The following ANKRD6 variants were observed in gnomAD, a reference collection of about 807,000 sequenced individuals.
ANKRD6 encodes ankyrin repeat domain-containing protein 6.
In ANKRD6, 56 loss-of-function variants were observed where a neutral mutation model predicts 82.3. The ratio of observed to expected loss-of-function variants is 0.68; its 90% confidence interval spans 0.55 to 0.85. ANKRD6 has a LOEUF of 0.85. Ranked by LOEUF, ANKRD6 falls within the 40% of genes least tolerant of loss-of-function variation. The probability of loss-of-function intolerance (pLI) is 0.00; values close to 1 mark genes in which losing one functional copy is unlikely to be tolerated. For synonymous variants in ANKRD6, 347 were observed against 352.1 expected (o/e 0.99, Z 0.16); for missense variants, 852 against 907.6 (o/e 0.94, Z 0.79).
intron 1 of ANKRD6, among the ~76,000 whole-genome samples, chr6:89,527,767 G>C (rs1045073482): frequency 2.0e-5 from 3 of 151,970 alleles, no homozygotes; most frequent in African/African-American, 7.2e-5. Context: ...ACTAATCAGG[G>C]TGGTGGCTGC....
chr6:89,629,769 A>G (rs1445691577), intron 15 of ANKRD6, among the ~76,000 whole-genome samples: 1 of 152,248 alleles, frequency 6.6e-6, no homozygotes, highest in Non-Finnish European at 1.5e-5. Flanking sequence ...GACAATTTTG[A>G]GGACATTCAG....
intron 1 of ANKRD6, among the ~76,000 whole-genome samples, chr6:89,469,639 A>G (rs1775226543): frequency 6.6e-6 from 1 of 152,142 alleles, no homozygotes; most frequent in Non-Finnish European, 1.5e-5. Flanking sequence ...CTGAGACGAC[A>G]CCTGTCCTCT....
chr6:89,520,716 A>G (rs979126834), intron 1 of ANKRD6, among the ~76,000 whole-genome samples: 2 of 152,252 alleles, frequency 1.3e-5, no homozygotes, highest in African/African-American at 4.8e-5. Context: ...GACAGCCAAT[A>G]ATATTAGCTT....
At chr6:89,469,796 C>T (rs1449091743) in intron 1 of ANKRD6, among the ~76,000 whole-genome samples, 1 of 152,156 alleles carries the variant, frequency 6.6e-6, no homozygotes. Flanking sequence ...TCTAGGTCCC[C>T]TCAGCATACT....
intron 1 of ANKRD6, among the ~76,000 whole-genome samples, chr6:89,438,251 T>G (rs1454958315): frequency 6.6e-6 from 1 of 152,218 alleles, no homozygotes; most frequent in Non-Finnish European, 1.5e-5. Context: ...TAATCAGTTA[T>G]TCCTGTTGGG....
intron 2 of ANKRD6, among the ~76,000 whole-genome samples, chr6:89,569,777 T>A (rs1789371653): frequency 1.3e-5 from 2 of 152,302 alleles, no homozygotes; most frequent in South Asian, 4.1e-4. Flanking sequence ...TATACATCAT[T>A]TGCTTTTTCA....
At chr6:89,520,838 AC>A (rs1386830664) in intron 1 of ANKRD6, among the ~76,000 whole-genome samples, 1 of 152,202 alleles carries the variant, frequency 6.6e-6, no homozygotes, top group Non-Finnish European at 1.5e-5. Context: ...ATGGTGGCTC[AC>A]ACTTGTAATC....
chr6:89,602,998 C>A, intron 3 of ANKRD6, 31 bp from the exon 4 acceptor site: 2 of 1,559,452 alleles, frequency 1.3e-6, no homozygotes, highest in African/African-American at 1.4e-5. Flanking sequence ...GGGGAGCTGA[C>A]TGCTGTTCCT....
chr6:89,599,890 C>T (rs141468572), intron 3 of ANKRD6, among the ~76,000 whole-genome samples: 5 of 151,816 alleles, frequency 3.3e-5, no homozygotes, highest in East Asian at 3.9e-4. Flanking sequence ...AGGGAGAGTC[C>T]GAGCCTGGCC....
intron 6 of ANKRD6, among the ~76,000 whole-genome samples, chr6:89,612,916 ATAAATAAAT>A (rs1800582962): frequency 6.6e-6 from 1 of 152,222 alleles, no homozygotes; most frequent in Non-Finnish European, 1.5e-5. Context: ...CGTTGGCTAA[ATAAATAAAT>A]AAATCTGAGG....
intron 2 of ANKRD6, among the ~76,000 whole-genome samples, chr6:89,576,970 G>T (rs1791254895): frequency 6.6e-6 from 1 of 151,324 alleles, no homozygotes; most frequent in East Asian, 1.9e-4. Flanking sequence ...TCACTATATT[G>T]CCTAGGCTGG....
At chr6:89,623,658 G>T in intron 11 of ANKRD6, 114 bp downstream of exon 11, 1 of 1,435,704 alleles carries the variant, frequency 7.0e-7, no homozygotes, top group Middle Eastern at 2.1e-4. Flanking sequence ...TGGCTGGTTT[G>T]GAGCCAGAGC....
intron 1 of ANKRD6, among the ~76,000 whole-genome samples, chr6:89,531,907 C>G (rs2127991176): frequency 6.6e-6 from 1 of 152,256 alleles, no homozygotes; most frequent in East Asian, 1.9e-4. Flanking sequence ...TGCTGGAAAC[C>G]CAGAAGAGTC....
chr6:89,486,928 C>T (rs1272337186), intron 1 of ANKRD6, among the ~76,000 whole-genome samples: 1 of 152,172 alleles, frequency 6.6e-6, no homozygotes, highest in Non-Finnish European at 1.5e-5. Context: ...GTCCCATCTC[C>T]AAATCACATC....
chr6:89,623,808 C>A, intron 11 of ANKRD6, 64 bp from the exon 12 acceptor site: 1 of 1,515,278 alleles, frequency 6.6e-7, no homozygotes, highest in Non-Finnish European at 8.9e-7. Context: ...ATGGGCGCCA[C>A]CGACTGGTGT....
chr6:89,625,144 G>A (rs972843243), intron 13 of ANKRD6, among the ~76,000 whole-genome samples: 4 of 152,050 alleles, frequency 2.6e-5, no homozygotes, highest in Non-Finnish European at 4.4e-5. Context: ...TTAGCCTGGT[G>A]TGGTGGCACA....
At chr6:89,507,619 A>G (rs1780030027) in intron 1 of ANKRD6, among the ~76,000 whole-genome samples, 1 of 152,222 alleles carries the variant, frequency 6.6e-6, no homozygotes, top group South Asian at 2.1e-4. Flanking sequence ...ATTGGAAGAA[A>G]TAGGTTACCT....
At chr6:89,438,696 G>A (rs1050281793) in intron 1 of ANKRD6, among the ~76,000 whole-genome samples, 2 of 152,064 alleles carry the variant, frequency 1.3e-5, no homozygotes, top group African/African-American at 4.8e-5. Flanking sequence ...AGGCTGGAGT[G>A]CAATGGTGCG....
intron 1 of ANKRD6, among the ~76,000 whole-genome samples, chr6:89,546,086 G>A (rs147492614): frequency 2.7e-4 from 41 of 152,224 alleles, no homozygotes; most frequent in Middle Eastern, 3.4e-3. Context: ...GGATTACGGC[G>A]TGAGCCACTG....
Sources: gnomAD v4.1 joint callset for allele counts (sites outside exome capture counted in the v4.1 genomes callset) on GRCh38, gnomAD v4.1.1 for gene constraint, MANE v1.5 for transcripts, NCBI Gene and HGNC (gene_info 2026-07-23, HGNC 2026-07-21) for gene names.